Variants in NPAS3 observed in about 807,000 individuals in gnomAD.
The protein encoded by NPAS3 is neuronal PAS domain protein 3.
NPAS3 carries 14 observed loss-of-function variants against 73.1 expected under a neutral mutation model. The ratio of observed to expected loss-of-function variants is 0.19; its 90% CI spans 0.13 to 0.30. The LOEUF is 0.30. NPAS3 is among the 10% of genes least tolerant of loss of function. NPAS3 has a pLI of 1.00. For synonymous variants in NPAS3, 620 were observed against 541.5 expected, an observed-to-expected ratio of 1.14 and a Z score of -2.01; for missense variants, 1,096 against 1,250.0, an observed-to-expected ratio of 0.88 and a Z score of 1.86.
chr14:33,784,745 A>ATTTATTTATTTTTTT (rs1471526546), intron 9 of NPAS3, among the ~76,000 whole-genome samples: 3 of 73,858 alleles, frequency 4.1e-5, no homozygotes, highest in African/African-American at 1.9e-4. Context: ...TTATTTATTT[A>ATTTATTTATTTTTTT]TTTTTTTTTT....
At chr14:33,216,688 G>T (rs777539304) in intron 3 of NPAS3, among the ~76,000 whole-genome samples, 1 of 152,032 alleles carries the variant, frequency 6.6e-6, no homozygotes, top group Non-Finnish European at 1.5e-5. Context: ...AAACAAAACA[G>T]CGTGGCTGTG....
chr14:33,341,556 G>C (rs1275945817), intron 3 of NPAS3, among the ~76,000 whole-genome samples: 1 of 152,116 alleles, frequency 6.6e-6, no homozygotes, highest in African/African-American at 2.4e-5. Context: ...GGATGCGGGA[G>C]GGAAGTGGGG....
intron 2 of NPAS3, among the ~76,000 whole-genome samples, chr14:33,163,201 A>C (rs552612184): frequency 2.0e-5 from 3 of 152,212 alleles, no homozygotes; most frequent in Non-Finnish European, 4.4e-5. Flanking sequence ...CAAGGTGTTT[A>C]GTTCATTTAT....
chr14:33,445,680 A>G (rs1220625687), intron 4 of NPAS3, among the ~76,000 whole-genome samples: 2 of 152,244 alleles, frequency 1.3e-5, no homozygotes, highest in Non-Finnish European at 2.9e-5. Flanking sequence ...AATCTTCAAG[A>G]GACAATTTGG....
intron 6 of NPAS3, among the ~76,000 whole-genome samples, chr14:33,729,740 A>ACACCATCGATTC (rs1017309018): frequency 2.0e-5 from 3 of 152,142 alleles, no homozygotes; most frequent in African/African-American, 7.2e-5. Context: ...TGCTAATCAC[A>ACACCATCGATTC]CACCATCGAT....
chr14:33,543,918 C>A (rs1226886010), intron 4 of NPAS3, among the ~76,000 whole-genome samples: 1 of 144,490 alleles, frequency 6.9e-6, no homozygotes, highest in Non-Finnish European at 1.5e-5. Flanking sequence ...ATCTCACTTT[C>A]TTCATCTCAG....
chr14:33,244,376 G>C (rs959206791), intron 3 of NPAS3, among the ~76,000 whole-genome samples: 2 of 151,912 alleles, frequency 1.3e-5, no homozygotes, highest in African/African-American at 4.8e-5. Context: ...CTTTTGAGTT[G>C]ATCTAGCTCT....
At chr14:33,142,043 A>G (rs191321708) in intron 2 of NPAS3, among the ~76,000 whole-genome samples, 26 of 152,234 alleles carry the variant, frequency 1.7e-4, no homozygotes, top group Admixed American at 3.9e-4. Context: ...TTGCCATTCA[A>G]TGGGCTCTAC....
chr14:33,323,044 A>G (rs1390847911), intron 3 of NPAS3, among the ~76,000 whole-genome samples: 2 of 152,160 alleles, frequency 1.3e-5, no homozygotes, highest in African/African-American at 4.8e-5. Context: ...ATAGCTCCTC[A>G]AAGAAAGGGG....
chr14:33,140,236 A>G (rs1263804993), intron 2 of NPAS3, among the ~76,000 whole-genome samples: 3 of 152,166 alleles, frequency 2.0e-5, no homozygotes, highest in African/African-American at 7.2e-5. Context: ...CACGAAAATG[A>G]GGAAAAACAA....
At chr14:32,939,335 A>G in exon 1 of NPAS3, 1 of 684,004 alleles carries the variant, frequency 1.5e-6, no homozygotes, top group East Asian at 4.0e-5. Context: ...CACCAAGCCC[A>G]GCTTTCAGCA....
chr14:32,961,354 T>A (rs1379960045), intron 1 of NPAS3, among the ~76,000 whole-genome samples: 3 of 144,596 alleles, frequency 2.1e-5, no homozygotes, highest in African/African-American at 7.8e-5. Context: ...GAGGTTGCAG[T>A]GAGCTGAGAT....
chr14:33,530,406 G>T (rs1006451831), intron 4 of NPAS3, among the ~76,000 whole-genome samples: 4 of 152,130 alleles, frequency 2.6e-5, no homozygotes, highest in Non-Finnish European at 2.9e-5. Context: ...GAAGCAATTA[G>T]CATAATTAGA....
chr14:33,663,732 G>C (rs1038143099), intron 5 of NPAS3, among the ~76,000 whole-genome samples: 4 of 152,184 alleles, frequency 2.6e-5, no homozygotes, highest in South Asian at 2.1e-4. Flanking sequence ...ACTTGTTATT[G>C]GTCTATTCAG....
chr14:33,680,544 G>A, intron 6 of NPAS3: 11 of 700,762 alleles, frequency 1.6e-5, no homozygotes, highest in Non-Finnish European at 2.9e-5. Context: ...ATATACTTCT[G>A]GTAACTAGCT....
chr14:33,516,738 T>C (rs55741121), intron 4 of NPAS3, among the ~76,000 whole-genome samples: 47,554 of 151,964 alleles, frequency 0.31, 7,890 homozygotes, highest in African/African-American at 0.39. Flanking sequence ...AATAATATTA[T>C]GTAAAAATTG....
Position 33,571,598 on chromosome 14 carries a change from G to A in NPAS3, c.558+11388G>A, listed in dbSNP as rs114005651. Among the ~76,000 whole-genome samples the A allele has an allele frequency of 4.0e-3, 608 of 152,264 alleles. 9 individuals carry two copies. The highest frequency in any genetic ancestry group is 0.014 in the African/African-American group (580 of 41,544). ...CTACGGAATGAAATCACATATGGCA[G>A]GCTGTCAAAGTCTCCTACACTTTCA... On this transcript the variant is annotated intron_variant, in intron 5 of 11. Coordinates refer to ENST00000356141, the Ensembl canonical transcript of NPAS3.
intron 4 of NPAS3, among the ~76,000 whole-genome samples, chr14:33,462,384 G>A (rs72680173): frequency 0.1 from 15,159 of 152,152 alleles, 1,007 homozygotes; most frequent in Admixed American, 0.16. Flanking sequence ...CTTTGAGGTC[G>A]GGTGGGACCA....
intron 2 of NPAS3, among the ~76,000 whole-genome samples, chr14:33,120,323 G>A (rs942752918): frequency 1.3e-5 from 2 of 152,032 alleles, no homozygotes; most frequent in South Asian, 2.1e-4. Context: ...TACGATTACC[G>A]GAACCAACTA....
Sources: allele counts gnomAD v4.1 joint callset (sites outside exome capture counted in the v4.1 genomes callset), GRCh38; gene constraint gnomAD v4.1.1; transcripts MANE v1.5; gene names NCBI Gene and HGNC (gene_info 2026-07-23, HGNC 2026-07-21).